GLIS3: variants seen among roughly 807,000 people sequenced by gnomAD.
GLIS3 encodes GLIS family zinc finger 3, also known as zinc finger protein GLIS3.
In GLIS3, 53 loss-of-function variants were observed where a neutral mutation model predicts 78.6. The ratio of observed to expected loss-of-function variants is 0.67; its 90% confidence interval spans 0.54 to 0.85. GLIS3 has a LOEUF of 0.85. Ranked by LOEUF, GLIS3 falls within the 40% of genes least tolerant of loss-of-function variation. The pLI is 0.00. For missense variants in GLIS3, 1,703 were observed against 1,231.1 expected (o/e 1.38, Z -5.74); for synonymous variants, 684 against 509.9 (o/e 1.34, Z -4.60).
intron 2 of GLIS3, among the ~76,000 whole-genome samples, chr9:4,130,450 A>C (rs1461073923): frequency 6.6e-6 from 1 of 152,210 alleles, no homozygotes; most frequent in African/African-American, 2.4e-5. Context: ...GGCCAGGCCC[A>C]GGGCCCTGCT....
At chr9:4,033,442 C>T (rs1285928154) in intron 4 of GLIS3, among the ~76,000 whole-genome samples, 1 of 152,090 alleles carries the variant, frequency 6.6e-6, no homozygotes, top group Non-Finnish European at 1.5e-5. Flanking sequence ...ACAGCAAGGT[C>T]TAGAAGGAGG....
the GLIS3 span, among the ~76,000 whole-genome samples, chr9:4,443,909 C>T: frequency 6.6e-6 from 1 of 152,200 alleles, no homozygotes; most frequent in Non-Finnish European, 1.5e-5. Flanking sequence ...GTTGACACTA[C>T]AATTCCACTG....
At chr9:4,369,966 C>T in the GLIS3 span, among the ~76,000 whole-genome samples, 1 of 152,040 alleles carries the variant, frequency 6.6e-6, no homozygotes, top group Admixed American at 6.6e-5. Flanking sequence ...CCGAGGCAGG[C>T]AGATCACTTG....
chr9:3,846,611 C>A (rs1338355433), intron 9 of GLIS3, among the ~76,000 whole-genome samples: 1 of 152,188 alleles, frequency 6.6e-6, no homozygotes. Context: ...TAACTGCCAT[C>A]TTCTTGCCTC....
the GLIS3 span, among the ~76,000 whole-genome samples, chr9:4,367,206 C>T: frequency 6.6e-6 from 1 of 152,206 alleles, no homozygotes; most frequent in Admixed American, 6.5e-5. Context: ...ACGGCATATA[C>T]CCTGCCCACT....
chr9:3,852,589 T>C (rs577599501), intron 9 of GLIS3, among the ~76,000 whole-genome samples: 9 of 152,234 alleles, frequency 5.9e-5, no homozygotes, highest in Non-Finnish European at 5.9e-5. Context: ...ACTTGAAAAA[T>C]AGTAGATAAA....
intron 9 of GLIS3, among the ~76,000 whole-genome samples, chr9:3,845,428 C>T (rs1459409323): frequency 1.3e-5 from 2 of 152,092 alleles, no homozygotes; most frequent in Non-Finnish European, 2.9e-5. Flanking sequence ...GAATACTTGC[C>T]AATCTTTTAA....
chr9:3,988,535 G>A (rs925420384), intron 4 of GLIS3, among the ~76,000 whole-genome samples: 1 of 152,106 alleles, frequency 6.6e-6, no homozygotes, highest in South Asian at 2.1e-4. Flanking sequence ...CAGTAATCAA[G>A]ACAATGTGGT....
At chr9:4,223,886 A>T (rs545881716) in intron 2 of GLIS3, among the ~76,000 whole-genome samples, 1 of 152,278 alleles carries the variant, frequency 6.6e-6, no homozygotes, top group South Asian at 2.1e-4. Flanking sequence ...TTCTCTAATA[A>T]ATTTCTGATC....
At chr9:4,303,097 T>C (rs1301429798), upstream of GLIS3, among the ~76,000 whole-genome samples, 2 of 147,668 alleles carry the variant, frequency 1.4e-5, no homozygotes, top group African/African-American at 2.5e-5. Flanking sequence ...AGAACTGCTA[T>C]TTGAGTCACC....
chr9:4,201,086 C>T (rs73398440), intron 2 of GLIS3, among the ~76,000 whole-genome samples: 58 of 152,256 alleles, frequency 3.8e-4, no homozygotes, highest in African/African-American at 1.4e-3. Flanking sequence ...AACAAAACCA[C>T]TCGATCATCT....
the GLIS3 span, among the ~76,000 whole-genome samples, chr9:4,448,491 T>C: frequency 2.0e-5 from 3 of 152,354 alleles, no homozygotes; most frequent in Admixed American, 6.5e-5. Context: ...GTCAGGTCTT[T>C]AAGTGATCTC....
chr9:4,181,211 G>C (rs1817293535), intron 2 of GLIS3, among the ~76,000 whole-genome samples: 1 of 152,190 alleles, frequency 6.6e-6, no homozygotes, highest in African/African-American at 2.4e-5. Context: ...AAGTTCCATA[G>C]GTATTGGCCA....
intron 4 of GLIS3, among the ~76,000 whole-genome samples, chr9:4,063,873 G>C (rs1048563240): frequency 1.3e-5 from 2 of 152,152 alleles, no homozygotes; most frequent in Non-Finnish European, 1.5e-5. Context: ...CAGTGTACGT[G>C]TGTGAGTTCC....
chr9:4,443,305 A>AT, the GLIS3 span, among the ~76,000 whole-genome samples: 3 of 152,204 alleles, frequency 2.0e-5, no homozygotes, highest in South Asian at 2.1e-4. Flanking sequence ...ACTTTCTTTA[A>AT]TTTTTTCTGT....
intron 4 of GLIS3, among the ~76,000 whole-genome samples, chr9:4,044,541 G>C (rs941789507): frequency 6.6e-6 from 1 of 152,020 alleles, no homozygotes; most frequent in African/African-American, 2.4e-5. Flanking sequence ...GAATCCAATG[G>C]GTCCATCTTA....
At chr9:4,159,919 T>C (rs2131077706) in intron 2 of GLIS3, among the ~76,000 whole-genome samples, 1 of 152,222 alleles carries the variant, frequency 6.6e-6, no homozygotes, top group East Asian at 1.9e-4. Flanking sequence ...TCAGACTTGT[T>C]TATTTATACA....
Position 4,218,296 on chromosome 9 carries a change from T to G in GLIS3, c.388+67742A>C, listed in dbSNP as rs536384606. 1.1e-3 allele frequency among the ~76,000 whole-genome samples: 160 copies of G among 152,358 alleles called. 1 individual carries two copies. The highest frequency in any genetic ancestry group is 6.8e-3 in the Middle Eastern group (2 of 294). ...CAGAGCTGTTTGGTTGAACTTTTTT[T>G]TTTTTGAGATGGAGTCTCGCTCTGT... On this transcript the variant is annotated intron_variant, in intron 2 of 10. Transcript: ENST00000381971.
At chr9:4,204,629 G>A (rs1322276831) in intron 2 of GLIS3, among the ~76,000 whole-genome samples, 1 of 152,100 alleles carries the variant, frequency 6.6e-6, no homozygotes, top group African/African-American at 2.4e-5. Flanking sequence ...GTATCAAGAA[G>A]GAATCAGGCC....
Sources: allele counts gnomAD v4.1 joint callset (sites outside exome capture counted in the v4.1 genomes callset), GRCh38; gene constraint gnomAD v4.1.1; transcripts MANE v1.5; gene names NCBI Gene and HGNC (gene_info 2026-07-23, HGNC 2026-07-21).